The following FARP1 variants were observed in gnomAD, a reference collection of about 807,000 sequenced individuals.
FARP1 encodes FERM, ARH/RhoGEF and pleckstrin domain protein 1, also known as FERM, ARHGEF and pleckstrin domain-containing protein 1.
Under a neutral mutation model 128.8 loss-of-function variants are expected in FARP1, and 52 were observed. That is an observed-to-expected ratio of 0.40 (90% CI 0.32 to 0.51). The LOEUF is 0.51. Among genes scored for constraint, FARP1 ranks in the 20% least tolerant of loss-of-function variants. FARP1 has a pLI of 0.45. For missense variants in FARP1, 1,333 were observed against 1,367.9 expected (o/e 0.97, Z 0.40); for synonymous variants, 580 against 551.8 (o/e 1.05, Z -0.72).
chr13:98,310,187 T>C (rs1353004538), intron 2 of FARP1, among the ~76,000 whole-genome samples: 1 of 151,890 alleles, frequency 6.6e-6, no homozygotes, highest in East Asian at 1.9e-4. Context: ...CTTGCTTGCC[T>C]CCCCTTCCCG....
chr13:98,393,213 C>T (rs981507005), intron 11 of FARP1, among the ~76,000 whole-genome samples: 1 of 152,096 alleles, frequency 6.6e-6, no homozygotes, highest in Non-Finnish European at 1.5e-5. Context: ...GTGGTAATTG[C>T]CTCTGTTATA....
At chr13:98,381,455 A>G (rs1055432049) in intron 6 of FARP1, 2 of 152,090 alleles carry the variant, frequency 1.3e-5, no homozygotes, top group Admixed American at 6.6e-5. Flanking sequence ...AGTCTTTAAG[A>G]TAGTCTGTAT....
chr13:98,441,901 C>G (rs1197617069), intron 24 of FARP1, among the ~76,000 whole-genome samples: 1 of 152,160 alleles, frequency 6.6e-6, no homozygotes, highest in Non-Finnish European at 1.5e-5. Context: ...GCATCTCTCC[C>G]AGATCTTGAA....
At chr13:98,213,001 C>T (rs1159569300) in intron 1 of FARP1, among the ~76,000 whole-genome samples, 1 of 152,144 alleles carries the variant, frequency 6.6e-6, no homozygotes, top group Non-Finnish European at 1.5e-5. Context: ...AAATATGCAA[C>T]AATATGCAAA....
intron 2 of FARP1, among the ~76,000 whole-genome samples, chr13:98,325,352 T>C (rs1302274218): frequency 1.3e-5 from 2 of 152,214 alleles, no homozygotes; most frequent in Non-Finnish European, 2.9e-5. Flanking sequence ...GTCACGGCTC[T>C]CTATCTCATA....
At chr13:98,280,757 A>G (rs761108324) in intron 2 of FARP1, among the ~76,000 whole-genome samples, 4 of 152,182 alleles carry the variant, frequency 2.6e-5, no homozygotes, top group Non-Finnish European at 5.9e-5. Flanking sequence ...ACTCAATTCC[A>G]TTGACTCCAT....
intron 2 of FARP1, among the ~76,000 whole-genome samples, chr13:98,303,870 A>C (rs1351824041): frequency 2.0e-5 from 3 of 152,198 alleles, no homozygotes; most frequent in Non-Finnish European, 4.4e-5. Flanking sequence ...CAAAGACTGC[A>C]CTGTATTTGA....
chr13:98,144,300 G>T (rs1875342583), intron 1 of FARP1, among the ~76,000 whole-genome samples: 1 of 152,030 alleles, frequency 6.6e-6, no homozygotes, highest in South Asian at 2.1e-4. Context: ...GGAGGCCAGC[G>T]GCTGTTGGGG....
Position 98,186,991 on chromosome 13 carries a change from C to CAAAAAAA in FARP1, c.-23-26208_-23-26202dup, listed in dbSNP as rs33992037. 1.9e-4 allele frequency among the ~76,000 whole-genome samples: 9 copies of CAAAAAAA among 47,824 alleles called. 1 individual carries two copies. The highest frequency in any genetic ancestry group is 3.8e-4 in the African/African-American group (5 of 13,024). 31.4% of individuals were successfully genotyped at this position (47,824 alleles called of 152,430 possible). Reference sequence around the variant, plus strand: ...TGGGAGATGGAGCGAGATTCTGTCTCAAAAAAAAAAAAAAAAAAAAAAAAA... The same window carrying CAAAAAAA: ...TGGGAGATGGAGCGAGATTCTGTCTCAAAAAAAAAAAAAAAAAAAAAAAAAAAAAAAA... On this transcript the variant is annotated intron_variant, in intron 1 of 26. Transcript: ENST00000319562.
At chr13:98,190,068 C>T (rs1169494533) in intron 1 of FARP1, among the ~76,000 whole-genome samples, 8 of 152,158 alleles carry the variant, frequency 5.3e-5, no homozygotes, top group Non-Finnish European at 1.0e-4. Flanking sequence ...ATCCCTGCAC[C>T]GTTGGTTCTC....
chr13:98,380,715 A>G (rs1390836555), intron 6 of FARP1, among the ~76,000 whole-genome samples: 5 of 152,042 alleles, frequency 3.3e-5, no homozygotes, highest in Non-Finnish European at 5.9e-5. Context: ...CTGGGACTCT[A>G]GGCACATGCC....
intron 2 of FARP1, among the ~76,000 whole-genome samples, chr13:98,285,255 C>T (rs554310649): frequency 6.6e-6 from 1 of 152,156 alleles, no homozygotes; most frequent in African/African-American, 2.4e-5. Context: ...TATGGAATCC[C>T]TCCCCACCCC....
intron 2 of FARP1, among the ~76,000 whole-genome samples, chr13:98,248,290 A>G (rs1185675838): frequency 6.6e-6 from 1 of 152,142 alleles, no homozygotes; most frequent in Admixed American, 6.5e-5. Context: ...TTTGGGTGGA[A>G]TGAGATTTAA....
chr13:98,217,107 T>C (rs1046892705), intron 2 of FARP1, among the ~76,000 whole-genome samples: 5 of 152,226 alleles, frequency 3.3e-5, no homozygotes, highest in South Asian at 2.1e-4. Context: ...ACAAACACAG[T>C]TCCCACTGAC....
chr13:98,382,234 T>A (rs540724914), intron 6 of FARP1: 1 of 151,958 alleles, frequency 6.6e-6, no homozygotes, highest in Admixed American at 6.6e-5. Flanking sequence ...TTGGAAAAAA[T>A]AAAAGGAAGT....
intron 2 of FARP1, among the ~76,000 whole-genome samples, chr13:98,247,462 G>A (rs1255255551): frequency 6.6e-6 from 1 of 152,214 alleles, no homozygotes; most frequent in Non-Finnish European, 1.5e-5. Context: ...AGACACCCCA[G>A]TATGACTGGC....
chr13:98,324,789 A>G (rs1397139251), intron 2 of FARP1, among the ~76,000 whole-genome samples: 1 of 152,176 alleles, frequency 6.6e-6, no homozygotes, highest in Non-Finnish European at 1.5e-5. Flanking sequence ...TCAGGCCCTG[A>G]TGAGCTGAAG....
chr13:98,245,090 G>T (rs1309214388), intron 2 of FARP1: 1 of 1,010,078 alleles, frequency 9.9e-7, no homozygotes, highest in East Asian at 9.6e-5. Context: ...TTTCCTGAGT[G>T]GTCTCTTAAT....
intron 2 of FARP1, among the ~76,000 whole-genome samples, chr13:98,278,991 AATTT>A (rs1451882641): frequency 1.5e-5 from 2 of 132,080 alleles, no homozygotes; most frequent in Non-Finnish European, 3.1e-5. Flanking sequence ...ACGCCCTGCT[AATTT>A]TTTTTTTTTT....
Sources: gnomAD v4.1 joint callset for allele counts (sites outside exome capture counted in the v4.1 genomes callset) on GRCh38, gnomAD v4.1.1 for gene constraint, MANE v1.5 for transcripts, NCBI Gene and HGNC (gene_info 2026-07-23, HGNC 2026-07-21) for gene names.